The following AGBL1 variants were observed in gnomAD, a reference collection of about 807,000 sequenced individuals.
AGBL1 encodes the protein cytosolic carboxypeptidase 4.
In AGBL1, 130 loss-of-function variants were observed where a neutral mutation model predicts 118.9. The ratio of observed to expected loss-of-function variants is 1.09; its 90% confidence interval spans 0.95 to 1.26. AGBL1 has a LOEUF of 1.26. AGBL1 is among the 50% of genes most tolerant of loss of function. The pLI is 0.00. For synonymous variants in AGBL1, 555 were observed against 478.9 expected (o/e 1.16, Z -2.08); for missense variants, 1,584 against 1,298.1 (o/e 1.22, Z -3.38).
At chr15:86,556,258 A>G (rs779526911) in intron 21 of AGBL1, 3 of 1,613,382 alleles carry the variant, frequency 1.9e-6, no homozygotes, top group African/African-American at 2.7e-5. Context: ...CAAAGAATGA[A>G]AGGGCTCACC....
At chr15:86,340,294 G>GA (rs2080441718) in intron 17 of AGBL1, among the ~76,000 whole-genome samples, 1 of 149,268 alleles carries the variant, frequency 6.7e-6, no homozygotes, top group South Asian at 2.1e-4. Flanking sequence ...TGCCTCCACT[G>GA]CCCCCCCCCC....
chr15:86,185,218 A>G (rs1428993627), intron 5 of AGBL1, among the ~76,000 whole-genome samples: 1 of 152,218 alleles, frequency 6.6e-6, no homozygotes, highest in Admixed American at 6.5e-5. Flanking sequence ...ACCATCTCAC[A>G]CCAGTTAGAA....
At chr15:86,394,004 C>T (rs756749354) in intron 17 of AGBL1, among the ~76,000 whole-genome samples, 10 of 152,054 alleles carry the variant, frequency 6.6e-5, no homozygotes, top group South Asian at 2.1e-4. Flanking sequence ...TTGCTGGCAC[C>T]GTAATCATAG....
chr15:86,120,453 A>C (rs2141576975), intron 1 of AGBL1, among the ~76,000 whole-genome samples: 1 of 152,338 alleles, frequency 6.6e-6, no homozygotes, highest in Admixed American at 6.5e-5. Context: ...TCAAATGCTA[A>C]AAAATTGTAT....
chr15:86,550,616 C>G (rs2142262750), intron 20 of AGBL1, among the ~76,000 whole-genome samples: 1 of 151,932 alleles, frequency 6.6e-6, no homozygotes, highest in East Asian at 1.9e-4. Flanking sequence ...CTCTGACATA[C>G]AAGAAGAAAA....
chr15:86,637,009 C>T (rs1490299485), intron 21 of AGBL1, among the ~76,000 whole-genome samples: 2 of 151,742 alleles, frequency 1.3e-5, no homozygotes, highest in Admixed American at 1.3e-4. Flanking sequence ...ATACAAGTAA[C>T]TATCATAGAA....
At chr15:86,634,612 A>T (rs903630714) in intron 21 of AGBL1, among the ~76,000 whole-genome samples, 1 of 152,098 alleles carries the variant, frequency 6.6e-6, no homozygotes, top group Non-Finnish European at 1.5e-5. Flanking sequence ...GGTGATGAAA[A>T]TTTTCTAAAA....
intron 4 of AGBL1, among the ~76,000 whole-genome samples, chr15:86,157,178 A>G (rs1047008223): frequency 6.6e-6 from 1 of 152,168 alleles, no homozygotes; most frequent in African/African-American, 2.4e-5. Context: ...AATGGGATAG[A>G]TGCTTGAATC....
chr15:86,916,250 G>A (rs982898762), downstream of AGBL1: 7 of 152,218 alleles, frequency 4.6e-5, no homozygotes, highest in African/African-American at 1.7e-4. Context: ...ACTGAAGCGT[G>A]TCCCTTGCTT....
chr15:86,896,597 A>G (rs1186680226), intron 22 of AGBL1, among the ~76,000 whole-genome samples: 1 of 152,084 alleles, frequency 6.6e-6, no homozygotes, highest in Non-Finnish European at 1.5e-5. Flanking sequence ...CGTTGCTAAC[A>G]TTACTTTCCC....
At chr15:86,433,229 T>TCTC (rs1360392900) in intron 18 of AGBL1, among the ~76,000 whole-genome samples, 8 of 146,494 alleles carry the variant, frequency 5.5e-5, no homozygotes, top group East Asian at 2.2e-4. Context: ...TTCTTCTTCT[T>TCTC]CTCCTCCTCC....
intron 22 of AGBL1, among the ~76,000 whole-genome samples, chr15:86,698,287 A>C (rs545650229): frequency 4.1e-4 from 63 of 152,166 alleles, no homozygotes; most frequent in African/African-American, 1.5e-3. Context: ...GGGGAAAAGA[A>C]AGAATAAACA....
chr15:86,526,508 A>T (rs1433444212), intron 19 of AGBL1, among the ~76,000 whole-genome samples: 1 of 147,882 alleles, frequency 6.8e-6, no homozygotes, highest in Non-Finnish European at 1.5e-5. Flanking sequence ...AAAATGTGGC[A>T]TATATAAATA....
chr15:86,725,357 T>A lies in AGBL1; in HGVS notation c.3158+50921T>A, dbSNP rs80241985. On this transcript the variant is annotated intron_variant, in intron 22 of 22. Coordinates refer to ENST00000614907, the MANE Select transcript of AGBL1 (RefSeq NM_001386094.1). The stretch of plus-strand genomic sequence containing the variant: ...ATCAAGTAATGCTTCCAGGGTGGTA[T>A]AGATCTCTAGGATAGGGTAGGGGAG... Among the ~76,000 whole-genome samples, 922 of 152,212 alleles carry A rather than the reference T, an allele frequency of 6.1e-3. 11 individuals carry two copies. The highest frequency in any genetic ancestry group is 0.021 in the African/African-American group (874 of 41,518).
intron 17 of AGBL1, among the ~76,000 whole-genome samples, chr15:86,358,723 A>G (rs1211909533): frequency 1.3e-5 from 2 of 151,934 alleles, no homozygotes; most frequent in African/African-American, 4.8e-5. Flanking sequence ...TCTAATAGGT[A>G]TGACGTTATA....
At chr15:86,394,253 C>G (rs1359160335) in intron 17 of AGBL1, among the ~76,000 whole-genome samples, 1 of 152,060 alleles carries the variant, frequency 6.6e-6, no homozygotes, top group Non-Finnish European at 1.5e-5. Flanking sequence ...ATTGGGTAAA[C>G]ATGTCATCTA....
intron 5 of AGBL1, among the ~76,000 whole-genome samples, chr15:86,184,495 C>G (rs1252645062): frequency 6.9e-6 from 1 of 145,274 alleles, no homozygotes; most frequent in Non-Finnish European, 1.5e-5. Flanking sequence ...AAAATCATTT[C>G]CTGAATTTGA....
chr15:86,158,156 T>G (rs1476465278), intron 4 of AGBL1, among the ~76,000 whole-genome samples: 4 of 152,166 alleles, frequency 2.6e-5, no homozygotes, highest in Non-Finnish European at 5.9e-5. Flanking sequence ...AGGAGGGACA[T>G]ATGCATGGAC....
chr15:86,828,914 GTATATATATATA>G (rs3059643), intron 22 of AGBL1, among the ~76,000 whole-genome samples: 28 of 141,862 alleles, frequency 2.0e-4, no homozygotes, highest in East Asian at 1.3e-3. Flanking sequence ...AAGTTCAAAA[GTATATATATATA>G]TATATATATA....
Sources: allele counts gnomAD v4.1 joint callset (sites outside exome capture counted in the v4.1 genomes callset), GRCh38; gene constraint gnomAD v4.1.1; transcripts MANE v1.5; gene names NCBI Gene and HGNC (gene_info 2026-07-23, HGNC 2026-07-21).